MYO1E: variants seen among roughly 807,000 people sequenced by gnomAD.
MYO1E encodes the protein myosin IE.
Under a neutral mutation model 151.1 loss-of-function variants are expected in MYO1E, and 68 were observed. The ratio of observed to expected loss-of-function variants is 0.45; its 90% CI spans 0.37 to 0.55. The LOEUF is 0.55. Among genes scored for constraint, MYO1E ranks in the 20% least tolerant of loss-of-function variants. The probability of loss-of-function intolerance (pLI) is 0.00; values close to 1 mark genes in which losing one functional copy is unlikely to be tolerated. For synonymous variants in MYO1E, 601 were observed against 501.7 expected (o/e 1.20, Z -2.64); for missense variants, 1,363 against 1,389.3 (o/e 0.98, Z 0.30).
intron 18 of MYO1E, among the ~76,000 whole-genome samples, chr15:59,183,839 C>A (rs1221153480): frequency 6.6e-6 from 1 of 152,146 alleles, no homozygotes; most frequent in African/African-American, 2.4e-5. Flanking sequence ...CCCCCACTAC[C>A]CTTCCCAGCC....
At chr15:59,201,707 A>G (rs1295628736) in intron 16 of MYO1E, among the ~76,000 whole-genome samples, 2 of 152,166 alleles carry the variant, frequency 1.3e-5, no homozygotes, top group Non-Finnish European at 2.9e-5. Flanking sequence ...CCCAGCCCAC[A>G]AACTCTTAAT....
rs140940177 is a variant in MYO1E, at chr15:59,252,818, G to A, written c.332+3466C>T. On this transcript the variant is annotated intron_variant, in intron 4 of 27. Transcript: ENST00000288235. ...GGAGAATCGCTTGAACCCAGGAGGC[G>A]GAGGTTGCGGTGAGCTGAGATCACA... Among the ~76,000 whole-genome samples the A allele has an allele frequency of 3.4e-3, 511 of 152,196 alleles. 4 individuals are homozygous for A. Among genetic ancestry groups the A allele is most frequent in the African/African-American group, 0.012 (482 of 41,532 alleles).
At chr15:59,174,638 G>A (rs764908740) in intron 19 of MYO1E, among the ~76,000 whole-genome samples, 7 of 152,220 alleles carry the variant, frequency 4.6e-5, no homozygotes, top group African/African-American at 1.2e-4. Flanking sequence ...TGTTTGGCGC[G>A]GCACTTCTGC....
At position 59,247,859 on chromosome 15, in the gene MYO1E, C is replaced by T. The variant is rs566653854; in HGVS notation, c.332+8425G>A. Among the ~76,000 whole-genome samples, 54 of 152,282 alleles carry T rather than the reference C, an allele frequency of 3.5e-4. 1 individual carries two copies. In the South Asian group the frequency reaches 5.2e-3, roughly 15 times the overall value. Reference sequence around the variant, plus strand: ...AACCTAGGCCAGCCATGGCAGCTCACGCCTATAATCAGAGCACTTTGGGAG... The same window carrying T: ...AACCTAGGCCAGCCATGGCAGCTCATGCCTATAATCAGAGCACTTTGGGAG... On this transcript the variant is annotated intron_variant, in intron 4 of 27. Transcript: ENST00000288235.
At chr15:59,149,759 A>G (rs1217315633) in intron 26 of MYO1E, among the ~76,000 whole-genome samples, 1 of 152,230 alleles carries the variant, frequency 6.6e-6, no homozygotes, top group East Asian at 1.9e-4. Context: ...AAGGAAAGAT[A>G]AACTCAGAAT....
intron 26 of MYO1E, among the ~76,000 whole-genome samples, chr15:59,142,206 C>T (rs775623463): frequency 7.9e-5 from 12 of 152,086 alleles, no homozygotes; most frequent in Non-Finnish European, 2.9e-5. Context: ...TGGTTGAATC[C>T]ACAGATGTGG....
In MYO1E at chr15:59,174,290, C is replaced by A. The variant is rs58124311; in HGVS notation, c.2050-50G>T. On this transcript the variant is annotated intron_variant, in intron 19 of 27. Transcript: ENST00000288235. ...TGAGCCAAGCCCCAAGCCCCAATCC[C>A]TGAACAACACTTTTCTTGTTATTCC... The A allele has an allele frequency of 0.095, 122,395 of 1,294,398 alleles. 6,114 individuals carry two copies. The highest frequency in any genetic ancestry group is 0.13 in the Admixed American group (7,709 of 59,608). 80.2% of individuals were successfully genotyped at this position (1,294,398 alleles called of 1,614,324 possible).
At chr15:59,149,994 G>C (rs2079466706) in intron 26 of MYO1E, among the ~76,000 whole-genome samples, 1 of 152,192 alleles carries the variant, frequency 6.6e-6, no homozygotes, top group Non-Finnish European at 1.5e-5. Flanking sequence ...TAACCATGGG[G>C]ATCCATAAAA....
intron 1 of MYO1E, among the ~76,000 whole-genome samples, chr15:59,328,535 A>T (rs1377711645): frequency 6.2e-5 from 6 of 97,060 alleles, no homozygotes; most frequent in African/African-American, 4.0e-4. Context: ...TTCATGAGAC[A>T]TAAATTCATA....
intron 1 of MYO1E, among the ~76,000 whole-genome samples, chr15:59,338,448 T>C (rs1352038821): frequency 6.6e-6 from 1 of 152,156 alleles, no homozygotes; most frequent in Non-Finnish European, 1.5e-5. Context: ...TATCACCTGC[T>C]GAATTGCAGA....
chr15:59,308,409 C>T (rs550728680), intron 1 of MYO1E, among the ~76,000 whole-genome samples: 5 of 151,916 alleles, frequency 3.3e-5, no homozygotes, highest in East Asian at 1.9e-4. Context: ...CAATGGCTCA[C>T]GCCTGTAATC....
intron 1 of MYO1E, among the ~76,000 whole-genome samples, chr15:59,334,085 C>T (rs1018861180): frequency 5.9e-5 from 9 of 152,192 alleles, no homozygotes; most frequent in South Asian, 4.2e-4. Context: ...GCTTGAGACC[C>T]GGCTGGGCAA....
intron 22 of MYO1E, 23 bp from the exon 23 acceptor site, chr15:59,163,326 C>G (rs758572446): frequency 6.2e-7 from 1 of 1,609,464 alleles, no homozygotes; most frequent in East Asian, 2.2e-5. Flanking sequence ...TGGACAAACA[C>G]ACTTGGTGAA....
intron 26 of MYO1E, among the ~76,000 whole-genome samples, chr15:59,139,453 A>G (rs1353444477): frequency 7.1e-6 from 1 of 141,728 alleles, no homozygotes; most frequent in East Asian, 2.1e-4. Flanking sequence ...ATTACTCCTC[A>G]CTTTCCTTTC....
rs57609726 is a variant in MYO1E, at chr15:59,231,207, G to A, written c.510+495C>T. Among the ~76,000 whole-genome samples, 1,168 of 152,280 alleles carry A rather than the reference G, an allele frequency of 7.7e-3. 13 individuals are homozygous for A. Among genetic ancestry groups the A allele is most frequent in the African/African-American group, 0.026 (1,096 of 41,532 alleles). The stretch of plus-strand genomic sequence containing the variant: ...CAGATGCACAAAGCCAGAGGGCTGC[G>A]GTGGGCAGGCAGCTCGCTCTGAGGG... On this transcript the variant is annotated intron_variant, in intron 6 of 27. Transcript: ENST00000288235.
rs1416656922 is a variant in MYO1E, at chr15:59,372,550, C to A, written c.-50G>T. On this transcript the variant is annotated 5_prime_UTR_variant, in exon 1 of 28. Transcript: ENST00000288235. ...TTCGCCGGGTCCCGCTGCCGGGGAACTGGGGCTGGAACGCAGTCTTCTGGG... is the reference window on the plus strand; with the variant it reads ...TTCGCCGGGTCCCGCTGCCGGGGAAATGGGGCTGGAACGCAGTCTTCTGGG... The A allele has an allele frequency of 1.3e-6, 2 of 1,534,904 alleles. No homozygotes were observed. The highest frequency in any genetic ancestry group is 1.8e-6 in the Non-Finnish European group (2 of 1,140,710).
chr15:59,267,232 G>A (rs1230458331), intron 2 of MYO1E, among the ~76,000 whole-genome samples: 1 of 150,422 alleles, frequency 6.6e-6, no homozygotes, highest in Non-Finnish European at 1.5e-5. Context: ...TCACCATGTT[G>A]GCCAAGATGG....
chr15:59,262,577 C>A (rs1463822547), intron 2 of MYO1E, among the ~76,000 whole-genome samples: 1 of 151,992 alleles, frequency 6.6e-6, no homozygotes. Flanking sequence ...GCAGTGAGCC[C>A]AGATCAGAGG....
chr15:59,146,715 CTTATATTG>C (rs2079443705), intron 26 of MYO1E, among the ~76,000 whole-genome samples: 1 of 148,326 alleles, frequency 6.7e-6, no homozygotes, highest in Non-Finnish European at 1.5e-5. Flanking sequence ...ATATATATTA[CTTATATTG>C]TATATATTAT....
Sources: gnomAD v4.1 joint callset for allele counts (sites outside exome capture counted in the v4.1 genomes callset) on GRCh38, gnomAD v4.1.1 for gene constraint, MANE v1.5 for transcripts, NCBI Gene and HGNC (gene_info 2026-07-23, HGNC 2026-07-21) for gene names.